Variants in PVT1 observed in about 807,000 individuals in gnomAD.
PVT1 encodes CXCR4/PVT1 fusion.
chr8:127,981,464 T>A (rs1362834788), intron 3 of PVT1, among the ~76,000 whole-genome samples: 2 of 152,200 alleles, frequency 1.3e-5, no homozygotes, highest in African/African-American at 4.8e-5. Context: ...GTCACCCAAG[T>A]GATCAGAACG....
At chr8:127,831,745 G>A (rs550067685) in intron 2 of PVT1, among the ~76,000 whole-genome samples, 1 of 152,316 alleles carries the variant, frequency 6.6e-6, no homozygotes, top group East Asian at 1.9e-4. Flanking sequence ...GTTGCTAAGA[G>A]GTCGGGTAGA....
rs1816837760 is a variant in PVT1, at chr8:127,977,769, G to A, written n.783-11393G>A. 2.0e-5 allele frequency among the ~76,000 whole-genome samples: 3 copies of A among 152,142 alleles called. No homozygotes were observed. In the South Asian group the frequency reaches 6.2e-4, roughly 32 times the overall value. On this transcript the variant is annotated intron_variant and non_coding_transcript_variant, in intron 3 of 10. Coordinates refer to ENST00000651587, the Ensembl canonical transcript of PVT1. Reference sequence around the variant, plus strand: ...ATACCTTGTATCAGTTCTGACACTTGCATTACTAGCTGTCACCCAACACCT... The same window carrying A: ...ATACCTTGTATCAGTTCTGACACTTACATTACTAGCTGTCACCCAACACCT...
intron 2 of PVT1, among the ~76,000 whole-genome samples, chr8:127,843,056 G>A (rs574280619): frequency 2.6e-5 from 4 of 152,148 alleles, no homozygotes. Flanking sequence ...AGGTTCTGAG[G>A]ATAAAAATAG....
At chr8:127,928,271 A>G (rs1369483749) in intron 3 of PVT1, among the ~76,000 whole-genome samples, 1 of 152,118 alleles carries the variant, frequency 6.6e-6, no homozygotes, top group Admixed American at 6.6e-5. Flanking sequence ...TGATAGGTTG[A>G]TTTAACCAGA....
chr8:128,012,782 T>C (rs1222130324), intron 4 of PVT1, among the ~76,000 whole-genome samples: 2 of 152,202 alleles, frequency 1.3e-5, no homozygotes, highest in Non-Finnish European at 2.9e-5. Flanking sequence ...TAGTCCTGGC[T>C]GTATACCATA....
At chr8:127,914,849 C>T (rs1392864991) in intron 3 of PVT1, among the ~76,000 whole-genome samples, 28 of 148,932 alleles carry the variant, frequency 1.9e-4, no homozygotes, top group Admixed American at 1.8e-3. Flanking sequence ...CCGAGTTTCC[C>T]TCTTGTTTCC....
chr8:127,817,910 G>A (rs933623618), intron 2 of PVT1, among the ~76,000 whole-genome samples: 20 of 151,906 alleles, frequency 1.3e-4, no homozygotes, highest in African/African-American at 2.4e-4. Flanking sequence ...AGATTAACTC[G>A]GAGCCTGGAA....
chr8:128,038,966 T>C lies in PVT1; in HGVS notation n.913-31194T>C, dbSNP rs190752757. On this transcript the variant is annotated intron_variant and non_coding_transcript_variant, in intron 4 of 10. Coordinates refer to ENST00000651587, the Ensembl canonical transcript of PVT1. ...CACAGAAGGGACCTTGCAGCCATTG[T>C]GTCTTTGTGCTCAGGTACTGTCTGA... Among the ~76,000 whole-genome samples, 103 of 152,294 alleles carry C rather than the reference T, an allele frequency of 6.8e-4. 1 individual carries two copies. The highest frequency in any genetic ancestry group is 2.4e-3 in the African/African-American group (101 of 41,554).
chr8:128,085,153 C>T (rs1052388250), intron 5 of PVT1, among the ~76,000 whole-genome samples: 1 of 152,122 alleles, frequency 6.6e-6, no homozygotes, highest in Non-Finnish European at 1.5e-5. Context: ...GACTGTCAAG[C>T]CGAAGAGGTC....
chr8:128,077,487 A>T (rs1407558873), intron 5 of PVT1, among the ~76,000 whole-genome samples: 1 of 152,082 alleles, frequency 6.6e-6, no homozygotes, highest in Admixed American at 6.5e-5. Context: ...CCTGTTTTAT[A>T]TGGAAAAAAA....
At chr8:128,080,587 T>A (rs1418535543) in intron 5 of PVT1, among the ~76,000 whole-genome samples, 1 of 152,258 alleles carries the variant, frequency 6.6e-6, no homozygotes, top group African/African-American at 2.4e-5. Flanking sequence ...GATTTAAGAG[T>A]TCTTTGTATA....
intron 3 of PVT1, among the ~76,000 whole-genome samples, chr8:127,896,209 T>G (rs756813841): frequency 6.6e-6 from 1 of 152,172 alleles, no homozygotes. Context: ...TGTCCTAGGC[T>G]CTGATATCCA....
intron 4 of PVT1, among the ~76,000 whole-genome samples, chr8:128,019,381 G>C (rs1817408471): frequency 6.6e-6 from 1 of 152,120 alleles, no homozygotes; most frequent in Non-Finnish European, 1.5e-5. Context: ...TTGTCAGTTT[G>C]GTAATTTATG....
chr8:128,091,044 G>A (rs1338221074), intron 5 of PVT1, among the ~76,000 whole-genome samples: 1 of 152,130 alleles, frequency 6.6e-6, no homozygotes, highest in Non-Finnish European at 1.5e-5. Flanking sequence ...ACTTTCCTGG[G>A]GGATTAAAGG....
At chr8:128,012,589 G>C (rs921027527) in intron 4 of PVT1, among the ~76,000 whole-genome samples, 2 of 152,186 alleles carry the variant, frequency 1.3e-5, no homozygotes, top group African/African-American at 2.4e-5. Context: ...GGTGTGCAAG[G>C]AGTTCTTGCA....
intron 2 of PVT1, among the ~76,000 whole-genome samples, chr8:127,824,447 C>T (rs1318795799): frequency 1.3e-5 from 2 of 152,092 alleles, no homozygotes; most frequent in Non-Finnish European, 2.9e-5. Flanking sequence ...CACGAGCCAC[C>T]ACTCCCAGCC....
intron 3 of PVT1, among the ~76,000 whole-genome samples, chr8:127,924,418 C>T (rs1380786630): frequency 6.6e-6 from 1 of 151,584 alleles, no homozygotes; most frequent in East Asian, 1.9e-4. Context: ...CTCACTGCAA[C>T]CTCCGCCTCC....
chr8:127,901,276 G>A (rs1422812909), intron 3 of PVT1, among the ~76,000 whole-genome samples: 1 of 152,186 alleles, frequency 6.6e-6, no homozygotes, highest in Non-Finnish European at 1.5e-5. Context: ...CTGGAGTCTG[G>A]CTCTGGCCCT....
chr8:128,001,577 G>C (rs1218276904), intron 4 of PVT1, among the ~76,000 whole-genome samples: 2 of 152,122 alleles, frequency 1.3e-5, no homozygotes, highest in Non-Finnish European at 2.9e-5. Context: ...TGTTGACCTT[G>C]AGCCACTCAC....
Sources: gnomAD v4.1 joint callset for allele counts (sites outside exome capture counted in the v4.1 genomes callset) on GRCh38, gnomAD v4.1.1 for gene constraint, MANE v1.5 for transcripts, NCBI Gene and HGNC (gene_info 2026-07-23, HGNC 2026-07-21) for gene names.